Variants in MALRD1 observed in about 807,000 individuals in gnomAD.
The protein encoded by MALRD1 is MAM and LDL receptor class A domain containing 1, also known as MAM and LDL-receptor class A domain-containing protein 1.
MALRD1 carries 247 observed loss-of-function variants against 242.1 expected under a neutral mutation model. That is an observed-to-expected ratio of 1.02 (90% confidence interval 0.92 to 1.13). The LOEUF is 1.13. Among genes scored for constraint, MALRD1 ranks in the 50% most tolerant of loss-of-function variants. The pLI is 0.00. For missense variants in MALRD1, 2,989 were observed against 2,533.1 expected (o/e 1.18, Z -3.86); for synonymous variants, 995 against 866.6 (o/e 1.15, Z -2.60).
intron 5 of MALRD1, among the ~76,000 whole-genome samples, chr10:19,104,933 T>A (rs1836411361): frequency 6.6e-6 from 1 of 152,104 alleles, no homozygotes; most frequent in African/African-American, 2.4e-5. Flanking sequence ...TGGGATACCA[T>A]GTGATGTTAA....
At chr10:19,469,875 A>T (rs775958411) in intron 29 of MALRD1, among the ~76,000 whole-genome samples, 10 of 152,220 alleles carry the variant, frequency 6.6e-5, no homozygotes, top group Non-Finnish European at 1.2e-4. Flanking sequence ...TCATGAAAAA[A>T]GTCACCATTG....
chr10:19,718,045 G>C (rs945925642), intron 38 of MALRD1, among the ~76,000 whole-genome samples: 1 of 149,292 alleles, frequency 6.7e-6, no homozygotes, highest in African/African-American at 2.5e-5. Context: ...GGAAGAAGAA[G>C]AGGAAGAAGA....
At chr10:19,636,131 T>G (rs1164425715) in intron 36 of MALRD1, among the ~76,000 whole-genome samples, 1 of 152,136 alleles carries the variant, frequency 6.6e-6, no homozygotes, top group Non-Finnish European at 1.5e-5. Flanking sequence ...CTATATAGTT[T>G]TAACAACTAC....
At chr10:19,602,674 A>G (rs1192073457) in intron 34 of MALRD1, among the ~76,000 whole-genome samples, 1 of 152,058 alleles carries the variant, frequency 6.6e-6, no homozygotes, top group Non-Finnish European at 1.5e-5. Flanking sequence ...TTGTGTCTCT[A>G]TAGCAGCATG....
chr10:19,312,396 ATATATG>A (rs1304158478), intron 21 of MALRD1, among the ~76,000 whole-genome samples: 1 of 146,528 alleles, frequency 6.8e-6, no homozygotes, highest in Non-Finnish European at 1.5e-5. Context: ...ATATATATAT[ATATATG>A]TGTATATGTG....
chr10:19,298,670 C>A (rs1272331567), intron 21 of MALRD1, among the ~76,000 whole-genome samples: 3 of 151,898 alleles, frequency 2.0e-5, no homozygotes, highest in Non-Finnish European at 2.9e-5. Flanking sequence ...AAAAGAGACA[C>A]AAGAATGTGT....
At chr10:19,172,118 T>TACATATATAC (rs554138439) in intron 13 of MALRD1, among the ~76,000 whole-genome samples, 2 of 144,348 alleles carry the variant, frequency 1.4e-5, no homozygotes, top group Non-Finnish European at 1.5e-5. Context: ...GTTATGTATA[T>TACATATATAC]ACATATATAC....
rs144865610 is a variant in MALRD1 at position 19,268,230 on chromosome 10, A to G, written c.3079+10459A>G. ...AGCAAAAGTATTTCAAAAATTGCTGATTGGCTACCAGAGACAGAAAAAAAA... is the reference window on the plus strand; with the variant it reads ...AGCAAAAGTATTTCAAAAATTGCTGGTTGGCTACCAGAGACAGAAAAAAAA... On this transcript the variant is annotated intron_variant, in intron 19 of 39. Transcript: ENST00000454679. Among the ~76,000 whole-genome samples, 7 of 151,820 alleles carry G rather than the reference A, an allele frequency of 4.6e-5. No individual in the cohort carries two copies. In the East Asian group the frequency reaches 1.4e-3, roughly 29 times the overall value.
chr10:19,332,105 C>T (rs1277353825), intron 24 of MALRD1, among the ~76,000 whole-genome samples: 2 of 151,304 alleles, frequency 1.3e-5, no homozygotes, highest in Non-Finnish European at 2.9e-5. Flanking sequence ...ACCTCATGAT[C>T]TGCCTGCCTT....
chr10:19,668,998 A>G (rs910045266), intron 36 of MALRD1, among the ~76,000 whole-genome samples: 1 of 152,218 alleles, frequency 6.6e-6, no homozygotes, highest in African/African-American at 2.4e-5. Context: ...AAGGCCCTCC[A>G]CAGGGAAATT....
At chr10:19,231,695 A>C (rs1838084081) in intron 18 of MALRD1, among the ~76,000 whole-genome samples, 1 of 152,156 alleles carries the variant, frequency 6.6e-6, no homozygotes, top group East Asian at 1.9e-4. Flanking sequence ...AGGCCTCCCC[A>C]GCCATGTGGA....
Position 19,159,004 on chromosome 10 carries a change from A to G in MALRD1, c.1656+3832A>G, listed in dbSNP as rs118184190. Among the ~76,000 whole-genome samples, 1,146 of 152,306 alleles carry G rather than the reference A, an allele frequency of 7.5e-3. 17 individuals carry two copies. The highest frequency in any genetic ancestry group is 0.027 in the Middle Eastern group (8 of 294). ...AGATCAATGTTAGAATAGCTGATGG[A>G]TTCTAGAGGAAGCAACAGTCTACAG... On this transcript the variant is annotated intron_variant, in intron 12 of 39. Transcript: ENST00000454679.
intron 38 of MALRD1, among the ~76,000 whole-genome samples, chr10:19,695,424 G>A (rs999935335): frequency 2.0e-5 from 3 of 151,782 alleles, no homozygotes; most frequent in African/African-American, 7.3e-5. Context: ...AATTTATAAA[G>A]GAAAGAAGTT....
intron 35 of MALRD1, 60 bp from the exon 36 acceptor site, chr10:19,615,797 T>A: frequency 1.6e-6 from 2 of 1,260,310 alleles, no homozygotes; most frequent in Non-Finnish European, 1.1e-6. Context: ...TAGTGATATC[T>A]TCTTCTTCCT....
chr10:19,220,083 A>G (rs990210759), intron 18 of MALRD1, among the ~76,000 whole-genome samples: 1 of 152,176 alleles, frequency 6.6e-6, no homozygotes. Context: ...AATGTGTTTA[A>G]TATGGCTTGC....
chr10:19,457,565 G>A (rs1213463060), intron 29 of MALRD1, among the ~76,000 whole-genome samples: 1 of 151,934 alleles, frequency 6.6e-6, no homozygotes, highest in Non-Finnish European at 1.5e-5. Context: ...ATGAAAGGAT[G>A]TTCTGTTTCT....
intron 29 of MALRD1, among the ~76,000 whole-genome samples, chr10:19,467,392 C>CAAAAAAAAAAAAAAAAAAA (rs71387079): frequency 1.9e-5 from 1 of 53,762 alleles, no homozygotes; most frequent in Non-Finnish European, 3.3e-5. Flanking sequence ...GACTCCGTCT[C>CAAAAAAAAAAAAAAAAAAA]AAAAAAAAAA....
intron 38 of MALRD1, among the ~76,000 whole-genome samples, chr10:19,723,183 A>G (rs1472306188): frequency 2.0e-5 from 3 of 152,190 alleles, no homozygotes; most frequent in African/African-American, 7.2e-5. Context: ...TCATGGAAGC[A>G]TGAGAACCAA....
chr10:19,350,977 T>A (rs879607380), intron 25 of MALRD1, among the ~76,000 whole-genome samples: 11 of 152,168 alleles, frequency 7.2e-5, no homozygotes, highest in African/African-American at 1.9e-4. Context: ...AGTTAGTCCA[T>A]AGAACAAGTA....
Sources: allele counts gnomAD v4.1 joint callset (sites outside exome capture counted in the v4.1 genomes callset), GRCh38; gene constraint gnomAD v4.1.1; transcripts MANE v1.5; gene names NCBI Gene and HGNC (gene_info 2026-07-23, HGNC 2026-07-21).